The following MARCHF1 variants were observed in gnomAD, a reference collection of about 807,000 sequenced individuals.
MARCHF1 encodes membrane associated ring-CH-type finger 1.
Under a neutral mutation model 54.2 loss-of-function variants are expected in MARCHF1, and 40 were observed. That is an observed-to-expected ratio of 0.74 (90% CI 0.57 to 0.96). The LOEUF is 0.96. Ranked by LOEUF, MARCHF1 falls within the 40% of genes least tolerant of loss-of-function variation. MARCHF1 has a pLI of 0.00. For synonymous variants in MARCHF1, 236 were observed against 236.3 expected, an observed-to-expected ratio of 1.00 and a Z score of 0.01; for missense variants, 586 against 656.5, an observed-to-expected ratio of 0.89 and a Z score of 1.17.
intron 2 of MARCHF1, among the ~76,000 whole-genome samples, chr4:164,025,654 G>C (rs777374475): frequency 3.3e-5 from 5 of 151,140 alleles, no homozygotes; most frequent in Non-Finnish European, 5.9e-5. Flanking sequence ...AACTTTGCAT[G>C]TCGAGAAACT....
At chr4:164,126,283 G>A (rs940631523) in intron 1 of MARCHF1, among the ~76,000 whole-genome samples, 3 of 152,120 alleles carry the variant, frequency 2.0e-5, no homozygotes, top group Non-Finnish European at 2.9e-5. Context: ...AGGGAGTTAT[G>A]TCTTCCCTTC....
At chr4:163,671,735 G>T (rs189607816) in intron 5 of MARCHF1, among the ~76,000 whole-genome samples, 11 of 152,168 alleles carry the variant, frequency 7.2e-5, no homozygotes, top group Admixed American at 6.5e-4. Context: ...ACTCTGAATG[G>T]TATGTAATCA....
intron 2 of MARCHF1, among the ~76,000 whole-genome samples, chr4:164,052,076 T>TA (rs1193188505): frequency 6.6e-6 from 1 of 150,420 alleles, no homozygotes; most frequent in Non-Finnish European, 1.5e-5. Context: ...TTTCTACTAT[T>TA]AAAAAAAAGT....
intron 3 of MARCHF1, among the ~76,000 whole-genome samples, chr4:163,902,839 G>A (rs974908960): frequency 3.0e-4 from 45 of 151,838 alleles, no homozygotes; most frequent in Middle Eastern, 3.2e-3. Context: ...CTTAAACATT[G>A]TATGTCTAAA....
intron 1 of MARCHF1, among the ~76,000 whole-genome samples, chr4:164,249,114 T>C (rs1733048214): frequency 6.6e-6 from 1 of 152,116 alleles, no homozygotes; most frequent in Admixed American, 6.6e-5. Context: ...AAAATATTTA[T>C]TTACAATCCC....
At chr4:163,696,948 C>T (rs1333064956) in intron 5 of MARCHF1, among the ~76,000 whole-genome samples, 1 of 152,054 alleles carries the variant, frequency 6.6e-6, no homozygotes, top group Non-Finnish European at 1.5e-5. Flanking sequence ...GAACTCAGGA[C>T]AGAATATACC....
chr4:164,268,663 C>A (rs554005125), intron 1 of MARCHF1, among the ~76,000 whole-genome samples: 1 of 152,082 alleles, frequency 6.6e-6, no homozygotes, highest in Non-Finnish European at 1.5e-5. Flanking sequence ...TAATATTAAA[C>A]CTTTATCATT....
intron 5 of MARCHF1, among the ~76,000 whole-genome samples, chr4:163,642,017 A>C (rs768058319): frequency 2.0e-5 from 3 of 152,208 alleles, no homozygotes; most frequent in African/African-American, 7.2e-5. Flanking sequence ...CCACTCCTAC[A>C]GTGCTAATGC....
At chr4:163,909,573 A>G (rs1430996869) in intron 3 of MARCHF1, among the ~76,000 whole-genome samples, 4 of 152,228 alleles carry the variant, frequency 2.6e-5, no homozygotes, top group Admixed American at 6.5e-5. Context: ...TCATAGCACA[A>G]TGCTAAATCT....
intron 1 of MARCHF1, among the ~76,000 whole-genome samples, chr4:164,115,403 A>G (rs975428414): frequency 1.3e-5 from 2 of 152,104 alleles, no homozygotes; most frequent in African/African-American, 4.8e-5. Flanking sequence ...CATAATATAC[A>G]TAATTTTGAT....
chr4:163,545,947 ATGTGTGTG>A (rs70948653), intron 8 of MARCHF1, among the ~76,000 whole-genome samples: 1,744 of 149,020 alleles, frequency 0.012, 29 homozygotes, highest in African/African-American at 0.039. Context: ...TTAAATACAT[ATGTGTGTG>A]TGTGTGTGTG....
intron 1 of MARCHF1, among the ~76,000 whole-genome samples, chr4:164,318,777 G>A (rs1414535079): frequency 1.3e-5 from 2 of 152,154 alleles, no homozygotes. Context: ...CCCTGACCTG[G>A]ATTATGAAAG....
chr4:163,628,408 A>C (rs1465761788), intron 5 of MARCHF1, among the ~76,000 whole-genome samples: 2 of 152,302 alleles, frequency 1.3e-5, no homozygotes, highest in East Asian at 3.9e-4. Flanking sequence ...CAAAATAATA[A>C]GGGCTATTTA....
intron 4 of MARCHF1, among the ~76,000 whole-genome samples, chr4:163,759,969 G>C (rs1321716090): frequency 6.6e-6 from 1 of 152,140 alleles, no homozygotes; most frequent in African/African-American, 2.4e-5. Context: ...TAAAAAATTT[G>C]CAAGTAACTT....
chr4:164,029,278 G>A (rs926789998), intron 2 of MARCHF1, among the ~76,000 whole-genome samples: 1 of 152,106 alleles, frequency 6.6e-6, no homozygotes, highest in Non-Finnish European at 1.5e-5. Flanking sequence ...TACAATCACG[G>A]AGGAAGGCAA....
chr4:164,159,377 C>G (rs1036442115), intron 1 of MARCHF1, among the ~76,000 whole-genome samples: 1 of 151,950 alleles, frequency 6.6e-6, no homozygotes, highest in Non-Finnish European at 1.5e-5. Flanking sequence ...TACCACAAAA[C>G]GTCCATGTTA....
At chr4:163,942,512 A>T (rs1207124182) in intron 3 of MARCHF1, among the ~76,000 whole-genome samples, 1 of 152,216 alleles carries the variant, frequency 6.6e-6, no homozygotes, top group African/African-American at 2.4e-5. Context: ...GTGACTGATT[A>T]TATGGGCACA....
intron 1 of MARCHF1, among the ~76,000 whole-genome samples, chr4:164,249,939 C>A (rs1469140780): frequency 6.6e-6 from 1 of 152,030 alleles, no homozygotes; most frequent in Non-Finnish European, 1.5e-5. Context: ...GAAGAGCAAA[C>A]AATTACTGAG....
At chr4:164,253,057 T>C (rs1733171813) in intron 1 of MARCHF1, among the ~76,000 whole-genome samples, 1 of 151,996 alleles carries the variant, frequency 6.6e-6, no homozygotes, top group Non-Finnish European at 1.5e-5. Flanking sequence ...ACAACAGTGG[T>C]ATAACAATAA....
Sources: allele counts gnomAD v4.1 joint callset (sites outside exome capture counted in the v4.1 genomes callset), GRCh38; gene constraint gnomAD v4.1.1; transcripts MANE v1.5; gene names NCBI Gene and HGNC (gene_info 2026-07-23, HGNC 2026-07-21).